VOPP1: variants seen among roughly 807,000 people sequenced by gnomAD.
VOPP1 encodes the protein VOPP1 WW domain binding protein.
VOPP1 carries 8 observed loss-of-function variants against 23.5 expected under a neutral mutation model. The ratio of observed to expected loss-of-function variants is 0.34; its 90% CI spans 0.20 to 0.61. The LOEUF (loss-of-function observed/expected upper bound fraction) is 0.61, where lower values mean the gene tolerates loss of function less well. Among genes scored for constraint, VOPP1 ranks in the 20% least tolerant of loss-of-function variants. The pLI, the probability that VOPP1 is intolerant of heterozygous loss-of-function variation, is 0.78. For synonymous variants in VOPP1, 83 were observed against 97.3 expected, an observed-to-expected ratio of 0.85 and a Z score of 0.86; for missense variants, 174 against 238.1, an observed-to-expected ratio of 0.73 and a Z score of 1.77.
chr7:55,478,142 C>T (rs1450796370), intron 4 of VOPP1, among the ~76,000 whole-genome samples: 4 of 152,178 alleles, frequency 2.6e-5, no homozygotes, highest in Non-Finnish European at 4.4e-5. Flanking sequence ...ATGAAGCCTG[C>T]GGACAGAAGA....
chr7:55,497,859 G>A (rs1562928926), intron 2 of VOPP1, among the ~76,000 whole-genome samples, 169 bp from the exon 3 acceptor site: 1 of 152,260 alleles, frequency 6.6e-6, no homozygotes, highest in Non-Finnish European at 1.5e-5. Context: ...AGAGCAGAAT[G>A]ACATCAGCCT....
intron 2 of VOPP1, among the ~76,000 whole-genome samples, chr7:55,513,711 C>T (rs1795228203): frequency 6.6e-6 from 1 of 152,156 alleles, no homozygotes; most frequent in African/African-American, 2.4e-5. Context: ...CTTAGGGTTT[C>T]CCGGCATTCT....
At chr7:55,560,115 T>C (rs1376184877) in intron 1 of VOPP1, among the ~76,000 whole-genome samples, 4 of 152,208 alleles carry the variant, frequency 2.6e-5, no homozygotes, top group African/African-American at 9.7e-5. Flanking sequence ...ATCATGCCAC[T>C]GCACTCCGGC....
At chr7:55,568,774 T>C (rs537064786) in intron 1 of VOPP1, among the ~76,000 whole-genome samples, 2 of 152,160 alleles carry the variant, frequency 1.3e-5, no homozygotes, top group Non-Finnish European at 2.9e-5. Context: ...AACTGAAGTG[T>C]AGTCAGTTTT....
downstream of VOPP1, among the ~76,000 whole-genome samples, chr7:55,468,097 C>T (rs1336802256): frequency 6.6e-6 from 1 of 151,918 alleles, no homozygotes; most frequent in African/African-American, 2.4e-5. Context: ...CGTAGTGAAA[C>T]TCATCTCTAC....
intron 2 of VOPP1, among the ~76,000 whole-genome samples, chr7:55,506,681 C>T (rs974032075): frequency 1.3e-5 from 2 of 151,918 alleles, no homozygotes; most frequent in African/African-American, 4.8e-5. Flanking sequence ...TCTTGTTGCC[C>T]AGGCTGAAGT....
intron 2 of VOPP1, among the ~76,000 whole-genome samples, chr7:55,513,939 T>C (rs1795243697): frequency 6.6e-6 from 1 of 152,230 alleles, no homozygotes; most frequent in South Asian, 2.1e-4. Context: ...CTCTGGCTTA[T>C]TAAAGTCACA....
At chr7:55,517,563 G>A (rs74531294) in intron 2 of VOPP1, among the ~76,000 whole-genome samples, 2,444 of 152,240 alleles carry the variant, frequency 0.016, 82 homozygotes, top group African/African-American at 0.056. Flanking sequence ...GCAGCAGGGC[G>A]AGCTGGGCTG....
chr7:55,442,225 G>A (rs184160514), intron 4 of VOPP1, among the ~76,000 whole-genome samples: 1 of 152,268 alleles, frequency 6.6e-6, no homozygotes, highest in African/African-American at 2.4e-5. Context: ...GAGTTGCGGG[G>A]CAGAGGTTCC....
intron 1 of VOPP1, among the ~76,000 whole-genome samples, chr7:55,558,705 C>T (rs1223147083): frequency 6.6e-6 from 1 of 152,184 alleles, no homozygotes; most frequent in East Asian, 1.9e-4. Context: ...CCATGTCCAA[C>T]CCCAGGCTCC....
chr7:55,488,707 G>A (rs1358822402), intron 4 of VOPP1, among the ~76,000 whole-genome samples: 1 of 151,658 alleles, frequency 6.6e-6, no homozygotes, highest in Non-Finnish European at 1.5e-5. Context: ...GTGAGTCTGG[G>A]TCCTCTAAAT....
At chr7:55,535,162 C>A (rs1796711629) in intron 1 of VOPP1, among the ~76,000 whole-genome samples, 1 of 152,218 alleles carries the variant, frequency 6.6e-6, no homozygotes, top group African/African-American at 2.4e-5. Context: ...GGGGGCTACG[C>A]AGGGCTCTGT....
downstream of VOPP1, among the ~76,000 whole-genome samples, chr7:55,470,009 C>T (rs945748689): frequency 7.9e-5 from 12 of 152,252 alleles, 1 homozygote; most frequent in Admixed American, 7.8e-4. Flanking sequence ...TGAACCACTG[C>T]ATGCCAGGCT....
At chr7:55,558,377 AGAAT>A (rs1797878618) in intron 1 of VOPP1, among the ~76,000 whole-genome samples, 1 of 152,254 alleles carries the variant, frequency 6.6e-6, no homozygotes, top group South Asian at 2.1e-4. Flanking sequence ...TAAATACAAA[AGAAT>A]GAATTTTAAG....
chr7:55,498,569 A>C (rs186313959), intron 2 of VOPP1, among the ~76,000 whole-genome samples: 1 of 152,182 alleles, frequency 6.6e-6, no homozygotes, highest in South Asian at 2.1e-4. Context: ...TTTTCACTAG[A>C]GCGTTTCGAG....
intron 1 of VOPP1, among the ~76,000 whole-genome samples, chr7:55,554,176 G>A (rs1344287961): frequency 1.3e-5 from 2 of 152,314 alleles, no homozygotes; most frequent in East Asian, 3.9e-4. Context: ...CCAAGTGGCT[G>A]GTCAATCCTA....
intron 1 of VOPP1, among the ~76,000 whole-genome samples, chr7:55,547,318 T>C (rs1438812855): frequency 6.6e-6 from 1 of 152,118 alleles, no homozygotes; most frequent in African/African-American, 2.4e-5. Context: ...TGCATTCATG[T>C]AGAAATGAAT....
intron 1 of VOPP1, among the ~76,000 whole-genome samples, chr7:55,539,267 C>A (rs1797000168): frequency 6.6e-6 from 1 of 152,132 alleles, no homozygotes; most frequent in South Asian, 2.1e-4. Context: ...ATCGCTTGGA[C>A]CCGGGAGGCG....
chr7:55,544,188 T>G (rs1180906072), intron 1 of VOPP1, among the ~76,000 whole-genome samples: 2 of 152,220 alleles, frequency 1.3e-5, no homozygotes, highest in East Asian at 3.8e-4. Flanking sequence ...GCCCAATGGA[T>G]GTTCTCAGCC....
Sources: gnomAD v4.1 joint callset for allele counts (sites outside exome capture counted in the v4.1 genomes callset) on GRCh38, gnomAD v4.1.1 for gene constraint, MANE v1.5 for transcripts, NCBI Gene and HGNC (gene_info 2026-07-23, HGNC 2026-07-21) for gene names.